Variants in DOCK1 observed in about 807,000 individuals in gnomAD.
DOCK1 encodes dedicator of cytokinesis protein 1.
DOCK1 carries 138 observed loss-of-function variants against 262.7 expected under a neutral mutation model. That is an observed-to-expected ratio of 0.53 (90% CI 0.46 to 0.61). DOCK1 has a LOEUF of 0.61. Among genes scored for constraint, DOCK1 ranks in the 20% least tolerant of loss-of-function variants. The probability of loss-of-function intolerance (pLI) is 0.00; values close to 1 mark genes in which losing one functional copy is unlikely to be tolerated. For synonymous variants in DOCK1, 866 were observed against 867.4 expected (o/e 1.00, Z 0.03); for missense variants, 1,908 against 2,370.7 (o/e 0.80, Z 4.05).
intron 29 of DOCK1, among the ~76,000 whole-genome samples, chr10:127,298,766 A>T (rs1162405122): frequency 6.6e-6 from 1 of 152,210 alleles, no homozygotes; most frequent in Non-Finnish European, 1.5e-5. Context: ...CAGTTAGCAG[A>T]TCATCTTTTT....
rs1021651815 is a variant in DOCK1 at position 126,985,845 on chromosome 10, TTTG to T, written c.228-1664_228-1662del. 3.9e-5 allele frequency among the ~76,000 whole-genome samples: 6 copies of T among 152,046 alleles called. No individual in the cohort carries two copies. The East Asian group carries it at 5.8e-4, about 15-fold the overall frequency. On this transcript the variant is annotated intron_variant, in intron 4 of 51. Coordinates refer to ENST00000623213, the MANE Select transcript of DOCK1 (RefSeq NM_001290223.2). ...TGATGGTGGCCCATGAAAGGGTCAT[TTTG>T]TTGTTGTTGTTTTTGAGATGGTGTC...
At chr10:126,932,317 C>G (rs1408181513) in intron 1 of DOCK1, among the ~76,000 whole-genome samples, 1 of 152,134 alleles carries the variant, frequency 6.6e-6, no homozygotes, top group East Asian at 1.9e-4. Context: ...TGAGGCAGGA[C>G]GATTATGAGT....
intron 27 of DOCK1, among the ~76,000 whole-genome samples, chr10:127,142,339 C>T (rs1381036721): frequency 1.3e-5 from 2 of 152,166 alleles, no homozygotes; most frequent in Admixed American, 1.3e-4. Context: ...ACCTCCCAGG[C>T]CTCACTCTCC....
intron 10 of DOCK1, among the ~76,000 whole-genome samples, chr10:127,005,407 T>C (rs1017159787): frequency 3.9e-5 from 6 of 152,170 alleles, no homozygotes. Flanking sequence ...TCGTATTCTA[T>C]CTGTTCATAG....
chr10:127,056,707 A>G (rs2045178003), intron 22 of DOCK1, among the ~76,000 whole-genome samples: 1 of 151,006 alleles, frequency 6.6e-6, no homozygotes, highest in Non-Finnish European at 1.5e-5. Context: ...TGACTTTATT[A>G]TTTTTTCTCT....
intron 27 of DOCK1, among the ~76,000 whole-genome samples, chr10:127,212,398 T>C (rs1001867604): frequency 6.6e-6 from 1 of 152,190 alleles, no homozygotes; most frequent in Non-Finnish European, 1.5e-5. Flanking sequence ...TGAAGGAATA[T>C]GCAAGCGTCG....
chr10:126,953,030 C>G (rs1049988313), intron 1 of DOCK1, among the ~76,000 whole-genome samples: 5 of 147,506 alleles, frequency 3.4e-5, no homozygotes, highest in Admixed American at 2.7e-4. Flanking sequence ...GTTGGTGCTG[C>G]TGGTGGTGGT....
chr10:127,339,732 T>TGC (rs1554951477), intron 30 of DOCK1, among the ~76,000 whole-genome samples: 1 of 40,336 alleles, frequency 2.5e-5, no homozygotes, highest in Non-Finnish European at 7.2e-5. Context: ...TGTGTGTGTG[T>TGC]GTGCATGCTG....
chr10:126,916,342 G>A lies in DOCK1; in HGVS notation c.46+10779G>A, dbSNP rs562991648. Among the ~76,000 whole-genome samples the A allele has an allele frequency of 5.9e-5, 9 of 152,352 alleles. No homozygotes were observed. In the South Asian group the frequency reaches 6.2e-4, roughly 11 times the overall value. On this transcript the variant is annotated intron_variant, in intron 1 of 51. Coordinates refer to ENST00000623213, the MANE Select transcript of DOCK1 (RefSeq NM_001290223.2). ...ATAGAGAAAATATATGATTTCTGGT[G>A]ATTGTTTTAAATTGGAAAAGGACAG...
At chr10:127,091,307 G>A (rs1034669854) in intron 23 of DOCK1, among the ~76,000 whole-genome samples, 2 of 152,164 alleles carry the variant, frequency 1.3e-5, no homozygotes, top group Admixed American at 1.3e-4. Context: ...TAATTCTTTT[G>A]GGTATACATC....
intron 33 of DOCK1, among the ~76,000 whole-genome samples, chr10:127,371,700 C>T (rs925373738): frequency 8.5e-5 from 13 of 152,102 alleles, no homozygotes; most frequent in African/African-American, 2.9e-4. Context: ...TATTATTTGT[C>T]CTGAAGCATC....
chr10:127,020,675 G>A (rs1480447574), intron 13 of DOCK1, among the ~76,000 whole-genome samples: 3 of 152,098 alleles, frequency 2.0e-5, no homozygotes, highest in Admixed American at 6.5e-5. Flanking sequence ...CTGAGTCCTC[G>A]GGTATATATC....
chr10:126,926,479 C>A (rs2033733663), intron 1 of DOCK1, among the ~76,000 whole-genome samples: 1 of 152,148 alleles, frequency 6.6e-6, no homozygotes, highest in African/African-American at 2.4e-5. Context: ...ACTTATCTTG[C>A]AGTTTTACGA....
At chr10:127,129,755 A>G (rs897058028) in intron 27 of DOCK1, among the ~76,000 whole-genome samples, 2 of 152,216 alleles carry the variant, frequency 1.3e-5, no homozygotes, top group South Asian at 4.1e-4. Context: ...GGTTCTGCCA[A>G]GACCCTCTTG....
chr10:127,412,700 A>C (rs578260726), intron 43 of DOCK1, among the ~76,000 whole-genome samples: 98 of 152,316 alleles, frequency 6.4e-4, no homozygotes, highest in African/African-American at 2.1e-3. Context: ...TCTCCCTCCC[A>C]ATCCCTCAGG....
rs113204817 is a variant in DOCK1 at position 127,214,830 on chromosome 10, G to A, written c.2848-33178G>A. ...ATAGTAATATGAAGACTCAGCTACC[G>A]TGATTCCTTCTCAGCCACTCCTCCT... On this transcript the variant is annotated intron_variant, in intron 27 of 51. Coordinates refer to ENST00000623213, the MANE Select transcript of DOCK1 (RefSeq NM_001290223.2). Among the ~76,000 whole-genome samples the A allele has an allele frequency of 4.6e-3, 705 of 152,220 alleles. 4 individuals carry two copies. Among genetic ancestry groups the A allele is most frequent in the Non-Finnish European group, 7.8e-3 (530 of 68,006 alleles).
Position 127,105,630 on chromosome 10 carries a change from C to T in DOCK1, c.2446-601C>T, listed in dbSNP as rs1331284544. On this transcript the variant is annotated intron_variant, in intron 23 of 51. Transcript: ENST00000623213. Reference sequence around the variant, plus strand: ...AGGGGTAAAAGGAGAAAATCACATGCATGCTTAGCACACAGTATAGGCACT... The same window carrying T: ...AGGGGTAAAAGGAGAAAATCACATGTATGCTTAGCACACAGTATAGGCACT... Among the ~76,000 whole-genome samples, 3 of 152,140 alleles carry T rather than the reference C, an allele frequency of 2.0e-5. No individual in the cohort carries two copies. The South Asian group carries it at 6.2e-4, about 32-fold the overall frequency.
chr10:127,427,186 C>G (rs532817367), intron 47 of DOCK1, among the ~76,000 whole-genome samples: 1 of 152,190 alleles, frequency 6.6e-6, no homozygotes, highest in Non-Finnish European at 1.5e-5. Context: ...CCTGCCGGCA[C>G]TGAGGGGGTG....
chr10:127,228,437 G>A (rs914380138), intron 27 of DOCK1, among the ~76,000 whole-genome samples: 20 of 152,172 alleles, frequency 1.3e-4, no homozygotes, highest in Admixed American at 6.5e-5. Flanking sequence ...TCTTTCCAAT[G>A]CTATAAAAAG....
Sources: allele counts gnomAD v4.1 joint callset (sites outside exome capture counted in the v4.1 genomes callset), GRCh38; gene constraint gnomAD v4.1.1; transcripts MANE v1.5; gene names NCBI Gene and HGNC (gene_info 2026-07-23, HGNC 2026-07-21).